BMPER: variants seen among roughly 807,000 people sequenced by gnomAD.
BMPER encodes the protein BMP-binding endothelial regulator protein.
Under a neutral mutation model 87.3 loss-of-function variants are expected in BMPER, and 45 were observed. The ratio of observed to expected loss-of-function variants is 0.52; its 90% CI spans 0.41 to 0.66. The LOEUF (loss-of-function observed/expected upper bound fraction) is 0.66. Ranked by LOEUF, BMPER falls within the 30% of genes least tolerant of loss-of-function variation. The probability of loss-of-function intolerance (pLI) is 0.00; values close to 1 mark genes in which losing one functional copy is unlikely to be tolerated. For missense variants in BMPER, 784 were observed against 867.5 expected, an observed-to-expected ratio of 0.90 and a Z score of 1.21; for synonymous variants, 326 against 316.2, an observed-to-expected ratio of 1.03 and a Z score of -0.33.
intron 2 of BMPER, 124 bp downstream of exon 2, chr7:33,907,027 T>C: frequency 1.1e-6 from 1 of 939,826 alleles, no homozygotes; most frequent in South Asian, 1.4e-5. Context: ...CACATAACTG[T>C]ACATAGTTTG....
intron 14 of BMPER, among the ~76,000 whole-genome samples, chr7:34,151,566 G>T (rs2127996951): frequency 6.6e-6 from 1 of 152,248 alleles, no homozygotes; most frequent in Non-Finnish European, 1.5e-5. Context: ...AGATGATATG[G>T]GATGTTTCAA....
intron 7 of BMPER, among the ~76,000 whole-genome samples, chr7:34,048,865 G>A (rs958606877): frequency 2.0e-5 from 3 of 152,100 alleles, no homozygotes; most frequent in African/African-American, 4.8e-5. Context: ...CCACTCCCTC[G>A]AATGTTTTAT....
At chr7:33,937,466 T>C in intron 3 of BMPER, 78 bp downstream of exon 3, 2 of 1,475,442 alleles carry the variant, frequency 1.4e-6, no homozygotes, top group Non-Finnish European at 1.9e-6. Context: ...ACCTTCCTTT[T>C]CACTCAGCTT....
intron 6 of BMPER, among the ~76,000 whole-genome samples, chr7:33,994,132 C>G (rs1313755945): frequency 6.6e-6 from 1 of 152,190 alleles, no homozygotes; most frequent in Non-Finnish European, 1.5e-5. Context: ...CCTCCTTGAG[C>G]TGTGGTGGGC....
intron 13 of BMPER, among the ~76,000 whole-genome samples, chr7:34,127,317 T>C (rs993051923): frequency 6.6e-6 from 1 of 152,302 alleles, no homozygotes; most frequent in East Asian, 1.9e-4. Flanking sequence ...CTCTCCAATG[T>C]AGACACAGTG....
intron 6 of BMPER, among the ~76,000 whole-genome samples, chr7:34,042,035 T>G (rs572540829): frequency 4.5e-4 from 69 of 152,314 alleles, no homozygotes; most frequent in African/African-American, 1.4e-3. Flanking sequence ...TGCACATGGC[T>G]GTTGTTTTAT....
intron 6 of BMPER, among the ~76,000 whole-genome samples, chr7:33,993,948 G>C (rs1290200893): frequency 6.6e-6 from 1 of 152,184 alleles, no homozygotes; most frequent in Non-Finnish European, 1.5e-5. Flanking sequence ...CAGGGGTCAG[G>C]GACCCACTTG....
At chr7:34,037,951 C>T (rs558934336) in intron 6 of BMPER, among the ~76,000 whole-genome samples, 107 of 152,204 alleles carry the variant, frequency 7.0e-4, no homozygotes, top group African/African-American at 2.5e-3. Context: ...GAAACACTAG[C>T]TTTTTTGGTG....
At chr7:33,976,023 A>G (rs1181069325) in intron 6 of BMPER, among the ~76,000 whole-genome samples, 1 of 152,170 alleles carries the variant, frequency 6.6e-6, no homozygotes, top group Non-Finnish European at 1.5e-5. Context: ...TACATAATAT[A>G]CATCAGGTAT....
At chr7:33,932,220 C>A (rs1784499094) in intron 2 of BMPER, among the ~76,000 whole-genome samples, 1 of 152,150 alleles carries the variant, frequency 6.6e-6, no homozygotes, top group Non-Finnish European at 1.5e-5. Flanking sequence ...GTGGGGAATT[C>A]TTGAAGGCAG....
At chr7:33,926,994 G>A (rs139254005) in intron 2 of BMPER, among the ~76,000 whole-genome samples, 3 of 152,342 alleles carry the variant, frequency 2.0e-5, no homozygotes, top group African/African-American at 7.2e-5. Context: ...AAAGCTGATC[G>A]GCTTTTCATC....
chr7:34,060,800 C>G (rs1788416244), intron 10 of BMPER, among the ~76,000 whole-genome samples: 1 of 152,122 alleles, frequency 6.6e-6, no homozygotes, highest in South Asian at 2.1e-4. Context: ...GGGATAAGGA[C>G]AACTGCATGT....
rs140016775 is a variant in BMPER at position 34,156,186 on chromosome 7, C to T, written c.*2913C>T. 1.5e-3 allele frequency among the ~76,000 whole-genome samples: 221 copies of T among 152,240 alleles called. 1 individual carries two copies. Among genetic ancestry groups the T allele is most frequent in the African/African-American group, 4.8e-3 (200 of 41,556 alleles). ...GTAAGAGGGCATCTTTCAATAAGAA[C>T]GAGAAAGACCCAGGAGGTTGACTAG... On this transcript the variant is annotated 3_prime_UTR_variant, in exon 15 of 15. Transcript: ENST00000649409.
chr7:34,011,055 C>T (rs1032949517), intron 6 of BMPER, among the ~76,000 whole-genome samples: 1 of 151,768 alleles, frequency 6.6e-6, no homozygotes, highest in Non-Finnish European at 1.5e-5. Context: ...TTATTTTGGG[C>T]ATATATGGTG....
At chr7:33,973,623 G>T (rs1785605566) in intron 5 of BMPER, among the ~76,000 whole-genome samples, 4 of 152,188 alleles carry the variant, frequency 2.6e-5, no homozygotes, top group Admixed American at 2.6e-4. Flanking sequence ...AGCTTGGTGG[G>T]TTCTGCAGAT....
chr7:33,943,877 C>A (rs948727699), intron 3 of BMPER, among the ~76,000 whole-genome samples: 3 of 152,166 alleles, frequency 2.0e-5, no homozygotes, highest in South Asian at 2.1e-4. Context: ...GTTCCTCCCC[C>A]TTTTGGTGGT....
intron 12 of BMPER, among the ~76,000 whole-genome samples, chr7:34,084,321 T>G (rs965387364): frequency 6.6e-6 from 1 of 152,082 alleles, no homozygotes; most frequent in Admixed American, 6.5e-5. Flanking sequence ...ACAAAACACA[T>G]GGCCACACGG....
chr7:33,981,967 G>A (rs917607772), intron 6 of BMPER, among the ~76,000 whole-genome samples: 1 of 152,164 alleles, frequency 6.6e-6, no homozygotes, highest in Non-Finnish European at 1.5e-5. Flanking sequence ...CCAACAATCA[G>A]GGCCACTCAC....
chr7:33,969,651 A>T (rs891961273), intron 4 of BMPER, among the ~76,000 whole-genome samples: 1 of 152,202 alleles, frequency 6.6e-6, no homozygotes, highest in Non-Finnish European at 1.5e-5. Flanking sequence ...CGCCCGCCTC[A>T]GCCTCCCAAA....
Sources: allele counts gnomAD v4.1 joint callset (sites outside exome capture counted in the v4.1 genomes callset), GRCh38; gene constraint gnomAD v4.1.1; transcripts MANE v1.5; gene names NCBI Gene and HGNC (gene_info 2026-07-23, HGNC 2026-07-21).